The following DZIP3 variants were observed in gnomAD, a reference collection of about 807,000 sequenced individuals.
The protein encoded by DZIP3 is DAZ interacting zinc finger protein 3.
In DZIP3, 118 loss-of-function variants were observed where a neutral mutation model predicts 162.0. The ratio of observed to expected loss-of-function variants is 0.73; its 90% CI spans 0.63 to 0.85. The LOEUF is 0.85. Ranked by LOEUF, DZIP3 falls within the 40% of genes least tolerant of loss-of-function variation. The pLI is 0.00. For missense variants in DZIP3, 1,331 were observed against 1,407.0 expected (o/e 0.95, Z 0.86); for synonymous variants, 438 against 458.6 (o/e 0.96, Z 0.57).
intron 26 of DZIP3, among the ~76,000 whole-genome samples, chr3:108,682,550 G>A (rs1944359640): frequency 6.6e-6 from 1 of 150,638 alleles, no homozygotes; most frequent in Admixed American, 6.6e-5. Flanking sequence ...CCACGCATGT[G>A]GAATCTAAAA....
intron 1 of DZIP3, among the ~76,000 whole-genome samples, chr3:108,594,928 G>A (rs185219533): frequency 1.3e-4 from 20 of 152,270 alleles, no homozygotes; most frequent in Admixed American, 1.2e-3. Context: ...AGTAGCTAAA[G>A]TAAACATCTC....
chr3:108,676,248 G>A (rs377540907), intron 25 of DZIP3, among the ~76,000 whole-genome samples: 1 of 152,024 alleles, frequency 6.6e-6, no homozygotes, highest in Non-Finnish European at 1.5e-5. Context: ...AGGTGCTCAC[G>A]GTTATGGTGA....
chr3:108,650,761 C>T (rs901463898), intron 17 of DZIP3, among the ~76,000 whole-genome samples: 3 of 151,390 alleles, frequency 2.0e-5, no homozygotes, highest in Non-Finnish European at 3.0e-5. Flanking sequence ...TATATGAATA[C>T]GTACAGACAC....
intron 15 of DZIP3, 51 bp downstream of exon 15, chr3:108,646,700 C>T (rs755235521): frequency 5.5e-6 from 7 of 1,283,000 alleles, no homozygotes; most frequent in Admixed American, 2.5e-5. Context: ...ACAAGGGATA[C>T]CTATGAAATT....
At chr3:108,657,716 T>C (rs1458303306) in intron 19 of DZIP3, among the ~76,000 whole-genome samples, 12 of 152,096 alleles carry the variant, frequency 7.9e-5, no homozygotes, top group East Asian at 3.9e-4. Flanking sequence ...AGAGTCAAGA[T>C]CCATCAGTGT....
Position 108,646,131 on chromosome 3 carries a change from T to C in DZIP3, c.1760-486T>C, listed in dbSNP as rs187912156. 4.3e-3 allele frequency among the ~76,000 whole-genome samples: 660 copies of C among 152,312 alleles called. 2 individuals carry two copies. Among genetic ancestry groups the C allele is most frequent in the African/African-American group, 0.015 (625 of 41,566 alleles). ...CATCCATCATCCCACTAAATCTCCA[T>C]GAAGATTGTCTTTTTTTTTCTTCAC... On this transcript the variant is annotated intron_variant, in intron 14 of 32. Coordinates refer to ENST00000361582, the MANE Select transcript of DZIP3 (RefSeq NM_014648.4).
intron 12 of DZIP3, among the ~76,000 whole-genome samples, chr3:108,639,882 G>A (rs1942313274): frequency 6.6e-6 from 1 of 151,698 alleles, no homozygotes. Context: ...ATTGATTCGA[G>A]ACCTTTGTTC....
chr3:108,679,249 C>T (rs1944218564), intron 26 of DZIP3, among the ~76,000 whole-genome samples: 1 of 152,036 alleles, frequency 6.6e-6, no homozygotes, highest in African/African-American at 2.4e-5. Context: ...TTGGAGTTTC[C>T]TGGAACCAGA....
intron 19 of DZIP3, among the ~76,000 whole-genome samples, chr3:108,654,642 G>A (rs1576423203): frequency 6.6e-6 from 1 of 151,972 alleles, no homozygotes; most frequent in African/African-American, 2.4e-5. Context: ...TAGATTACAT[G>A]TCATGAGAAA....
At chr3:108,643,056 C>G (rs1368690899) in intron 13 of DZIP3, among the ~76,000 whole-genome samples, 4 of 152,138 alleles carry the variant, frequency 2.6e-5, no homozygotes, top group African/African-American at 9.7e-5. Context: ...CCAAAGAAAG[C>G]TCCCTGTGTC....
At chr3:108,613,938 C>A (rs1020881362) in intron 4 of DZIP3, among the ~76,000 whole-genome samples, 1 of 152,018 alleles carries the variant, frequency 6.6e-6, no homozygotes, top group Non-Finnish European at 1.5e-5. Flanking sequence ...CATTTTTGAA[C>A]TGAATAAAAA....
intron 19 of DZIP3, among the ~76,000 whole-genome samples, chr3:108,655,487 GAA>G (rs1027599350): frequency 1.3e-5 from 2 of 152,102 alleles, no homozygotes; most frequent in African/African-American, 4.8e-5. Flanking sequence ...CCCTTACAAA[GAA>G]AATGCTAAAG....
At chr3:108,680,180 CT>C (rs758406404) in intron 26 of DZIP3, among the ~76,000 whole-genome samples, 1 of 152,054 alleles carries the variant, frequency 6.6e-6, no homozygotes, top group South Asian at 2.1e-4. Flanking sequence ...AAACCCACAG[CT>C]AACATTATAC....
At chr3:108,656,926 G>A (rs572448862) in intron 19 of DZIP3, among the ~76,000 whole-genome samples, 27 of 152,284 alleles carry the variant, frequency 1.8e-4, no homozygotes, top group African/African-American at 6.5e-4. Flanking sequence ...GAAGTGAGAA[G>A]TTTAGAGAAA....
chr3:108,595,723 A>G (rs1473042326), intron 1 of DZIP3, among the ~76,000 whole-genome samples: 1 of 152,212 alleles, frequency 6.6e-6, no homozygotes, highest in African/African-American at 2.4e-5. Context: ...TCTAGTAACC[A>G]GGGTTTAAGT....
chr3:108,660,084 A>G (rs934801501), intron 19 of DZIP3, among the ~76,000 whole-genome samples: 21 of 152,208 alleles, frequency 1.4e-4, no homozygotes, highest in African/African-American at 2.9e-4. Flanking sequence ...TATAGATTCA[A>G]TTCCATCCCC....
At chr3:108,635,665 TTA>T (rs1244959235) in intron 10 of DZIP3, among the ~76,000 whole-genome samples, 1 of 147,368 alleles carries the variant, frequency 6.8e-6, no homozygotes, top group Non-Finnish European at 1.5e-5. Flanking sequence ...ATTATAAATA[TTA>T]TATAATATAT....
At chr3:108,596,833 C>A (rs1177565087) in intron 1 of DZIP3, among the ~76,000 whole-genome samples, 2 of 152,042 alleles carry the variant, frequency 1.3e-5, no homozygotes, top group African/African-American at 4.8e-5. Flanking sequence ...GACATGAAGC[C>A]AAATCTAAAA....
intron 5 of DZIP3, among the ~76,000 whole-genome samples, chr3:108,622,278 C>T (rs548847969): frequency 1.3e-4 from 20 of 152,054 alleles, no homozygotes; most frequent in Non-Finnish European, 2.4e-4. Context: ...TTTAGCATGT[C>T]AATTGCTTTT....
Sources: gnomAD v4.1 joint callset for allele counts (sites outside exome capture counted in the v4.1 genomes callset) on GRCh38, gnomAD v4.1.1 for gene constraint, MANE v1.5 for transcripts, NCBI Gene and HGNC (gene_info 2026-07-23, HGNC 2026-07-21) for gene names.